Variants in SCARA5 observed in about 807,000 individuals in gnomAD.
SCARA5 encodes the protein scavenger receptor class A, member 5 (putative).
Under a neutral mutation model 46.3 loss-of-function variants are expected in SCARA5, and 45 were observed. The ratio of observed to expected loss-of-function variants is 0.97; its 90% CI spans 0.76 to 1.24. The LOEUF (loss-of-function observed/expected upper bound fraction) is 1.24. Among genes scored for constraint, SCARA5 ranks in the 50% most tolerant of loss-of-function variants. The pLI is 0.00. For synonymous variants in SCARA5, 333 were observed against 306.5 expected, an observed-to-expected ratio of 1.09 and a Z score of -0.90; for missense variants, 680 against 689.0, an observed-to-expected ratio of 0.99 and a Z score of 0.15.
intron 4 of SCARA5, among the ~76,000 whole-genome samples, chr8:27,912,748 C>T (rs1375802143): frequency 6.6e-6 from 1 of 152,196 alleles, no homozygotes; most frequent in Non-Finnish European, 1.5e-5. Context: ...ATTTCACCTG[C>T]CCCTCAGATG....
rs764145315 is a variant in SCARA5, at chr8:27,907,235, C to T, written c.1009G>A (p.Glu337Lys). 2.9e-5 allele frequency: 47 copies of T among 1,613,000 alleles called. No homozygotes were observed. Among genetic ancestry groups the T allele is most frequent in the Non-Finnish European group, 3.9e-5 (46 of 1,179,446 alleles). ...CCGGGCAATCCTGGGGTACCTCTCT[C>T]CCCGGGCAGACCTGGGGAGAAAACA... Reference protein sequence around the residue: ...GLPGLRGLPGERGTPGLPGPK... With the variant: ...GLPGLRGLPGKRGTPGLPGPK... The change falls in exon 6 of 9, where the codon GAG (glutamate) becomes AAG (lysine). Residue 337 changes from glutamate to lysine, a missense_variant. This residue lies in a region of SCARA5 where 219 missense variants were observed against 269.5 expected (regional missense o/e 0.81). Transcript: ENST00000354914.
At chr8:27,893,584 C>A (rs1807019146) in intron 7 of SCARA5, among the ~76,000 whole-genome samples, 1 of 152,174 alleles carries the variant, frequency 6.6e-6, no homozygotes, top group South Asian at 2.1e-4. Flanking sequence ...TTCAAACACA[C>A]AGATCCTCTC....
chr8:27,977,207 C>A (rs926309317), intron 2 of SCARA5, among the ~76,000 whole-genome samples: 2 of 152,182 alleles, frequency 1.3e-5, no homozygotes, highest in Non-Finnish European at 2.9e-5. Flanking sequence ...CTAATCGCCT[C>A]CCAGAGGCCC....
chr8:27,898,737 C>T (rs2726975), intron 7 of SCARA5, among the ~76,000 whole-genome samples: 88,874 of 152,078 alleles, frequency 0.58, 28,320 homozygotes, highest in Non-Finnish European at 0.71. Flanking sequence ...AAATCAACCA[C>T]GTGATTAGGA....
At chr8:27,990,646 G>A (rs1213442632) in intron 1 of SCARA5, among the ~76,000 whole-genome samples, 1 of 152,222 alleles carries the variant, frequency 6.6e-6, no homozygotes, top group Non-Finnish European at 1.5e-5. Context: ...GGAATTGCAT[G>A]TCAGCCCCTT....
intron 3 of SCARA5, among the ~76,000 whole-genome samples, chr8:27,957,222 T>C (rs1162004286): frequency 6.6e-6 from 1 of 152,176 alleles, no homozygotes; most frequent in Non-Finnish European, 1.5e-5. Flanking sequence ...GACTCTCAAG[T>C]TTCCTCCAAT....
At chr8:27,889,770 A>G (rs1033218396) in intron 7 of SCARA5, among the ~76,000 whole-genome samples, 17 of 152,336 alleles carry the variant, frequency 1.1e-4, no homozygotes, top group African/African-American at 3.8e-4. Flanking sequence ...GCCTTTGTGA[A>G]GCACAGCCAT....
At chr8:27,902,755 C>T (rs1248268369) in intron 7 of SCARA5, among the ~76,000 whole-genome samples, 1 of 152,160 alleles carries the variant, frequency 6.6e-6, no homozygotes, top group Non-Finnish European at 1.5e-5. Context: ...ACCCCGAAGA[C>T]AGCATTCAGG....
At chr8:27,904,030 C>T (rs1457387344) in intron 7 of SCARA5, among the ~76,000 whole-genome samples, 1 of 9,924 alleles carries the variant, frequency 1.0e-4, no homozygotes, top group Non-Finnish European at 5.5e-3. Flanking sequence ...CTACATGTAG[C>T]CCTCTCTAGG....
At chr8:27,914,972 G>A (rs956409296) in intron 4 of SCARA5, among the ~76,000 whole-genome samples, 1 of 152,174 alleles carries the variant, frequency 6.6e-6, no homozygotes, top group African/African-American at 2.4e-5. Context: ...TGTGTGGGCT[G>A]GAATCCAGGA....
intron 3 of SCARA5, among the ~76,000 whole-genome samples, chr8:27,958,757 G>A (rs948122730): frequency 6.6e-6 from 1 of 152,220 alleles, no homozygotes; most frequent in African/African-American, 2.4e-5. Flanking sequence ...TTAACTTGAA[G>A]CAACAAGACC....
chr8:27,890,416 T>G (rs2129702650), intron 7 of SCARA5, among the ~76,000 whole-genome samples: 1 of 152,332 alleles, frequency 6.6e-6, no homozygotes, highest in East Asian at 1.9e-4. Context: ...TACAAGCACA[T>G]ATACTATTTT....
intron 3 of SCARA5, among the ~76,000 whole-genome samples, chr8:27,951,754 C>A (rs548949359): frequency 7.9e-5 from 12 of 152,334 alleles, no homozygotes; most frequent in Admixed American, 7.2e-4. Context: ...TGAGACAAGG[C>A]TGGAGAAGAG....
chr8:27,979,512 A>T (rs935899807), intron 2 of SCARA5, among the ~76,000 whole-genome samples: 3 of 150,960 alleles, frequency 2.0e-5, no homozygotes, highest in Non-Finnish European at 4.4e-5. Flanking sequence ...CTCAGCAGAG[A>T]TGGGGTGTGA....
chr8:27,919,760 T>C (rs1585489511), intron 4 of SCARA5, among the ~76,000 whole-genome samples: 1 of 151,790 alleles, frequency 6.6e-6, no homozygotes. Flanking sequence ...CCTGCGGCTG[T>C]GGGCAAGCTA....
chr8:27,963,228 C>G (rs774675555), intron 3 of SCARA5, among the ~76,000 whole-genome samples: 1 of 152,206 alleles, frequency 6.6e-6, no homozygotes, highest in Non-Finnish European at 1.5e-5. Context: ...CTCCCTCTGA[C>G]CCCTTAATTC....
At chr8:27,921,132 C>A (rs559161140) in intron 4 of SCARA5, among the ~76,000 whole-genome samples, 1 of 152,324 alleles carries the variant, frequency 6.6e-6, no homozygotes, top group Non-Finnish European at 1.5e-5. Flanking sequence ...GTTTGGAATT[C>A]TCTAACTCCA....
intron 3 of SCARA5, among the ~76,000 whole-genome samples, chr8:27,934,797 CTT>C (rs971895381): frequency 1.3e-5 from 2 of 152,220 alleles, no homozygotes; most frequent in Non-Finnish European, 2.9e-5. Context: ...TGGCCTCAGT[CTT>C]TTCATCTCCA....
At chr8:27,927,059 G>C (rs1028484761) in intron 3 of SCARA5, among the ~76,000 whole-genome samples, 1 of 152,154 alleles carries the variant, frequency 6.6e-6, no homozygotes, top group African/African-American at 2.4e-5. Flanking sequence ...TGAAGCCCCA[G>C]GGCCGATTCA....
Sources: allele counts gnomAD v4.1 joint callset (sites outside exome capture counted in the v4.1 genomes callset), GRCh38; gene constraint gnomAD v4.1.1; regional missense constraint gnomAD v4.1.1; transcripts MANE v1.5; gene names NCBI Gene and HGNC (gene_info 2026-07-23, HGNC 2026-07-21).